The following CACTIN variants were observed in gnomAD, a reference collection of about 807,000 sequenced individuals.
The protein encoded by CACTIN is splicing factor Cactin.
CACTIN carries 20 observed loss-of-function variants against 84.9 expected under a neutral mutation model. The observed-to-expected ratio is 0.24, with a 90% CI of 0.17 to 0.34. The LOEUF (loss-of-function observed/expected upper bound fraction) is 0.34. Ranked by LOEUF, CACTIN falls within the 10% of genes least tolerant of loss-of-function variation. The pLI is 1.00. For missense variants in CACTIN, 897 were observed against 1,117.2 expected (o/e 0.80, Z 2.81); for synonymous variants, 549 against 467.9 (o/e 1.17, Z -2.24).
rs955299333 is a variant in CACTIN, at chr19:3,626,782, G to T, written c.-20C>A. The T allele has an allele frequency of 1.5e-6, 2 of 1,364,790 alleles. No individual in the cohort carries two copies. Among genetic ancestry groups the T allele is most frequent in the Non-Finnish European group, 9.5e-7 (1 of 1,056,382 alleles). 84.5% of individuals were successfully genotyped at this position (1,364,790 alleles called of 1,614,324 possible). On this transcript the variant is annotated 5_prime_UTR_variant, in exon 1 of 10. Coordinates refer to ENST00000429344, the MANE Select transcript of CACTIN (RefSeq NM_001080543.2). ...ACCCATCGGCTGGGCCAGTGGCCGC[G>T]GCACCAACACCAATAGCCGAAGCCT...
In CACTIN at chr19:3,611,836, A is replaced by T; in HGVS notation, c.*87T>A. On this transcript the variant is annotated 3_prime_UTR_variant, in exon 10 of 10. Transcript: ENST00000429344. ...ACGTGAACCCGCGGCCCTGCAGCCCAGACAGCGGCCCCGGAGTGACCACCA... is the reference window on the plus strand; with the variant it reads ...ACGTGAACCCGCGGCCCTGCAGCCCTGACAGCGGCCCCGGAGTGACCACCA... 6.6e-7 allele frequency: 1 copy of T among 1,526,448 alleles called. No individual in the cohort carries two copies. 94.6% of individuals were successfully genotyped at this position (1,526,448 alleles called of 1,614,324 possible).
chr19:3,617,278 C>G (rs186228988), intron 6 of CACTIN, among the ~76,000 whole-genome samples: 206 of 152,348 alleles, frequency 1.4e-3, no homozygotes, highest in African/African-American at 4.4e-3. Context: ...GACCTTGTCT[C>G]TGAAAAATGA....
chr19:3,614,302 G>A, intron 7 of CACTIN, 95 bp downstream of exon 7: 7 of 1,245,354 alleles, frequency 5.6e-6, no homozygotes, highest in African/African-American at 1.5e-5. Flanking sequence ...ATGGTCCCAG[G>A]AGGAGGCGAG....
chr19:3,613,455 C>G lies in CACTIN; in HGVS notation c.1478+9G>C, dbSNP rs751381571. On this transcript the variant is annotated intron_variant, in intron 8 of 9. Coordinates refer to ENST00000429344, the MANE Select transcript of CACTIN (RefSeq NM_001080543.2). ...GCATCGGCGTCCCCGGGGTGCCGGC[C>G]GGGCCTACCTGCGGCTGGGGGACTG... is the stretch of plus-strand genomic sequence containing the variant. The G allele has an allele frequency of 1.3e-6, 2 of 1,571,624 alleles. No individual in the cohort carries two copies. The highest frequency in any genetic ancestry group is 1.2e-5 in the South Asian group (1 of 86,556).
chr19:3,614,286 C>A, intron 7 of CACTIN, 111 bp downstream of exon 7: 2 of 1,128,520 alleles, frequency 1.8e-6, no homozygotes, highest in Non-Finnish European at 2.5e-6. Flanking sequence ...CCCCTCTCCA[C>A]CCCACATGGT....
intron 7 of CACTIN, 167 bp from the exon 8 acceptor site, chr19:3,613,753 CT>C: frequency 1.1e-6 from 1 of 939,100 alleles, no homozygotes; most frequent in Non-Finnish European, 1.5e-6. Context: ...AGGGTCAAGG[CT>C]TATGGGAGAG....
At chr19:3,612,911 C>T (rs2032998917) in intron 9 of CACTIN, 147 bp downstream of exon 9, 2 of 984,306 alleles carry the variant, frequency 2.0e-6, no homozygotes, top group Non-Finnish European at 3.1e-6. Context: ...GTGCAGGTGA[C>T]GGAATGCACG....
rs775217403 is a variant in CACTIN, at chr19:3,613,298, C to G, written c.1546G>C (p.Glu516Gln). 2 of 1,595,936 alleles carry G rather than the reference C, an allele frequency of 1.3e-6. No homozygotes were observed. Among genetic ancestry groups the G allele is most frequent in the South Asian group, 1.1e-5 (1 of 90,334 alleles). The change falls in exon 9 of 10, where the codon GAG becomes CAG. Residue 516 changes from glutamate to glutamine, a missense_variant. This residue lies in a region of CACTIN where 243 missense variants were observed against 239.9 expected (regional missense o/e 1.01). Transcript: ENST00000429344. The part of the protein sequence containing the change: ...PSSEGGPAEA[E>Q]VDGATPTEGD... ...TCTGTCGGGGTCGCGCCGTCCACCT[C>G]GGCCTCCGCGGGGCCGCCCTCCGAG...
At chr19:3,619,311 G>A in intron 4 of CACTIN, 69 bp from the exon 5 acceptor site, 5 of 1,547,050 alleles carry the variant, frequency 3.2e-6, no homozygotes, top group African/African-American at 1.4e-5. Context: ...CCCTGCCCTT[G>A]GGGTGACCAC....
Position 3,614,516 on chromosome 19 carries a change from G to A in CACTIN, c.1236C>T (p.Asn412=), listed in dbSNP as rs1219317129. ...VQSVFKGKTY[N]QLQVIFQGIE... The stretch of plus-strand genomic sequence containing the variant: ...TGCCCTGGAAGATGACCTGCAGCTG[G>A]TTGTATGTCTTCCCCTTGAACACCG... Residue 412 remains asparagine, a synonymous_variant, in exon 7 of 10, where the codon AAC becomes AAT. Transcript: ENST00000429344. 1.2e-6 allele frequency: 2 copies of A among 1,608,296 alleles called. No homozygotes were observed. Among genetic ancestry groups the A allele is most frequent in the Non-Finnish European group, 1.7e-6 (2 of 1,177,474 alleles).
At chr19:3,612,678 G>T (rs367751156) in intron 9 of CACTIN, 2 of 708,710 alleles carry the variant, frequency 2.8e-6, no homozygotes, top group Non-Finnish European at 5.1e-6. Flanking sequence ...AGCGACAGGA[G>T]AACCTGGTGG....
In CACTIN at chr19:3,614,549, A is replaced by G; in HGVS notation, c.1203T>C (p.Asp401=). ...REGVNASVSS[D]VQSVFKGKTY... is the part of the protein sequence containing the mutation. ...TCTTCCCCTTGAACACCGACTGCACATCAGAGCTGACGGAGGCGTTGACCC... is the reference window on the plus strand; with the variant it reads ...TCTTCCCCTTGAACACCGACTGCACGTCAGAGCTGACGGAGGCGTTGACCC... The change falls in exon 7 of 10, where the codon GAT becomes GAC. Residue 401 remains aspartate (D), a synonymous_variant. Coordinates refer to ENST00000429344, the MANE Select transcript of CACTIN (RefSeq NM_001080543.2). 1 of 1,609,022 alleles carries G rather than the reference A, an allele frequency of 6.2e-7. No individual in the cohort carries two copies. The highest frequency in any genetic ancestry group is 8.5e-7 in the Non-Finnish European group (1 of 1,177,924).
intron 6 of CACTIN, among the ~76,000 whole-genome samples, chr19:3,617,189 G>A (rs10409300): frequency 0.11 from 16,730 of 152,268 alleles, 1,679 homozygotes; most frequent in African/African-American, 0.25. Flanking sequence ...TGAGGTGGGA[G>A]GATCACCTGA....
rs776577870 is a variant in CACTIN at position 3,610,681 on chromosome 19, G to C, written c.*1242C>G. 2 of 454,320 alleles carry C rather than the reference G, an allele frequency of 4.4e-6. No individual in the cohort carries two copies. The highest frequency in any genetic ancestry group is 1.6e-5 in the South Asian group (1 of 63,922). 28.1% of individuals were successfully genotyped at this position (454,320 alleles called of 1,614,324 possible). On this transcript the variant is annotated 3_prime_UTR_variant, in exon 10 of 10. Transcript: ENST00000429344. Reference sequence around the variant, plus strand: ...TACAACGTTTATTAAAAAAACATGCGATCTTGCCAATAGGCCAATTCCATG... The same window carrying C: ...TACAACGTTTATTAAAAAAACATGCCATCTTGCCAATAGGCCAATTCCATG...
intron 2 of CACTIN, among the ~76,000 whole-genome samples, chr19:3,621,434 C>T (rs533334055): frequency 3.0e-4 from 45 of 152,346 alleles, no homozygotes; most frequent in African/African-American, 1.0e-3. Context: ...CTCAGGCTCC[C>T]GGTGCCCCGT....
chr19:3,614,298 C>A, intron 7 of CACTIN, 99 bp downstream of exon 7: 1 of 1,221,926 alleles, frequency 8.2e-7, no homozygotes, highest in Non-Finnish European at 1.2e-6. Context: ...CCACATGGTC[C>A]CAGGAGGAGG....
At position 3,612,704 on chromosome 19, in the gene CACTIN, G is replaced by A. The variant is rs577929069; in HGVS notation, c.1787-291C>T. On this transcript the variant is annotated intron_variant, in intron 9 of 9. Transcript: ENST00000429344. ...AACCTGGTGGTTAGGGCCTGGCTGCGGGATCCAGCCCCACGCATGACCCCC... is the reference window on the plus strand; with the variant it reads ...AACCTGGTGGTTAGGGCCTGGCTGCAGGATCCAGCCCCACGCATGACCCCC... 21 of 700,438 alleles carry A rather than the reference G, an allele frequency of 3.0e-5. No homozygotes were observed. In the East Asian group the frequency reaches 4.9e-4, roughly 16 times the overall value. 43.4% of individuals were successfully genotyped at this position (700,438 alleles called of 1,614,324 possible). A position where few individuals can be genotyped will look rare whatever the true frequency, so the allele number is the denominator to read the frequency against.
intron 6 of CACTIN, chr19:3,616,613 A>G (rs1046199386): frequency 1.3e-5 from 2 of 152,136 alleles, no homozygotes; most frequent in Admixed American, 1.3e-4. Context: ...GTCTCAAAAA[A>G]CAAAAAAACT....
rs769773969 is a variant in CACTIN at position 3,624,010 on chromosome 19, C to T, written c.320G>A (p.Arg107His). The T allele has an allele frequency of 4.4e-6, 7 of 1,605,458 alleles. No homozygotes were observed. The highest frequency in any genetic ancestry group is 2.2e-5 in the East Asian group (1 of 44,852). Reference protein sequence around the residue: ...GQWARRRRRARSWSPSSSASS... With the variant: ...GQWARRRRRAHSWSPSSSASS... ...TGCTGAGGAGCTAGGAGACCACGAG[C>T]GTGCGCGCCGTCGCCGGCGAGCCCA... The change falls in exon 2 of 10, where the codon CGC (arginine) becomes CAC (histidine). Residue 107 changes from arginine to histidine, a missense_variant. Arg to His is a conservative substitution (Grantham distance 29). Transcript: ENST00000429344.
Sources: allele counts gnomAD v4.1 joint callset (sites outside exome capture counted in the v4.1 genomes callset), GRCh38; gene constraint gnomAD v4.1.1; regional missense constraint gnomAD v4.1.1; transcripts MANE v1.5; gene names NCBI Gene and HGNC (gene_info 2026-07-23, HGNC 2026-07-21).